The following RPS6KA3 variants were observed in gnomAD, a reference collection of about 807,000 sequenced individuals.
RPS6KA3 encodes ribosomal protein S6 kinase alpha-3.
Under a neutral mutation model 67.2 loss-of-function variants are expected in RPS6KA3, and 4 were observed. That is an observed-to-expected ratio of 0.06 (90% CI 0.03 to 0.14). RPS6KA3 has a LOEUF of 0.14. Among genes scored for constraint, RPS6KA3 ranks in the 10% least tolerant of loss-of-function variants. The probability of loss-of-function intolerance (pLI) is 1.00; values close to 1 mark genes in which losing one functional copy is unlikely to be tolerated. For synonymous variants in RPS6KA3, 182 were observed against 183.7 expected, an observed-to-expected ratio of 0.99 and a Z score of 0.07; for missense variants, 204 against 559.0, an observed-to-expected ratio of 0.36 and a Z score of 6.40.
At chrX:20,252,590 G>A (rs1290613557) in intron 1 of RPS6KA3, among the ~76,000 whole-genome samples, 1 of 110,443 alleles carries the variant, frequency 9.1e-6, no homozygotes, top group Admixed American at 9.6e-5. Context: ...TGAAAGTAGG[G>A]CACCAACCTG....
intron 1 of RPS6KA3, among the ~76,000 whole-genome samples, chrX:20,253,697 C>A (rs966747512): frequency 1.8e-5 from 2 of 111,568 alleles, no homozygotes; most frequent in African/African-American, 6.5e-5. Context: ...TGAAAATGTA[C>A]TACAGAAAAC....
chrX:20,234,886 CAA>C (rs758120780), intron 1 of RPS6KA3, 72 bp from the exon 2 acceptor site: 3,163 of 573,413 alleles, frequency 5.5e-3, no homozygotes, highest in Admixed American at 6.3e-3. Context: ...TGAAGGCAGA[CAA>C]AAAAAAAAAA....
Position 20,266,604 on chromosome X carries a change from C to T in RPS6KA3, c.29G>A (p.Trp10Ter). ...CGGGCTCTCCACAGCCATCTTCTGC[C>T]ACGGGTCCGCCAGCTGCGCCAGCGG... Reference protein sequence around the residue: MPLAQLADPWQKMAVESPSD... With the variant: MPLAQLADP Residue 10 changes from tryptophan (W) to a stop codon, truncating the protein, a stop_gained, in exon 1 of 22, where the codon TGG becomes TAG. Coordinates refer to ENST00000379565, the MANE Select transcript of RPS6KA3 (RefSeq NM_004586.3). LOFTEE classifies it high-confidence loss of function. 2 of 1,151,668 alleles carry T rather than the reference C, an allele frequency of 1.7e-6. No individual in the cohort carries two copies. Among genetic ancestry groups the T allele is most frequent in the Non-Finnish European group, 2.3e-6 (2 of 868,595 alleles). The allele number at this position is 1,151,668 out of a possible 1,213,427, so 94.9% of individuals were successfully genotyped here.
At chrX:20,244,436 A>G (rs2069631546) in intron 1 of RPS6KA3, among the ~76,000 whole-genome samples, 2 of 112,666 alleles carry the variant, frequency 1.8e-5, no homozygotes, top group Admixed American at 9.4e-5. Context: ...GGGTCAAGGA[A>G]ATAAGTAACA....
rs141828652 is a variant in RPS6KA3, at chrX:20,243,313, T to C, written c.70-8499A>G. 3.7e-3 allele frequency among the ~76,000 whole-genome samples: 417 copies of C among 111,812 alleles called. 2 individuals are homozygous for C. The highest frequency in any genetic ancestry group is 5.7e-3 in the Non-Finnish European group (305 of 53,111). On this transcript the variant is annotated intron_variant, in intron 1 of 21. Transcript: ENST00000379565. The stretch of plus-strand genomic sequence containing the variant: ...TACAAATGAGGAAATTAAGCCAAGA[T>C]AGGTATGTCAAACTTTCTAAGCACT...
At chrX:20,258,313 T>C (rs748304041) in intron 1 of RPS6KA3, among the ~76,000 whole-genome samples, 6 of 112,222 alleles carry the variant, frequency 5.3e-5, no homozygotes, top group Admixed American at 9.4e-5. Flanking sequence ...AGTAAATCTT[T>C]ATTATTTTAC....
chrX:20,203,884 A>C, intron 4 of RPS6KA3, 138 bp downstream of exon 4: 3 of 534,581 alleles, frequency 5.6e-6, no homozygotes, highest in Non-Finnish European at 1.0e-5. Context: ...AAATTCACTA[A>C]AAGTCAGCCT....
chrX:20,165,175 A>G, intron 17 of RPS6KA3, 115 bp from the exon 18 acceptor site: 5 of 560,772 alleles, frequency 8.9e-6, no homozygotes, highest in Non-Finnish European at 1.5e-5. Flanking sequence ...GCTGACCTTT[A>G]AATTAGCCTA....
chrX:20,264,985 T>G (rs1489704013), intron 1 of RPS6KA3, among the ~76,000 whole-genome samples: 3 of 112,601 alleles, frequency 2.7e-5, no homozygotes, highest in Non-Finnish European at 5.6e-5. Flanking sequence ...TTTGGCTTTT[T>G]AATAAAATAT....
In RPS6KA3 at chrX:20,190,977, C is replaced by T. The variant is rs200409679; in HGVS notation, c.594-2443G>A. 3.0e-4 allele frequency among the ~76,000 whole-genome samples: 33 copies of T among 109,806 alleles called. 1 individual carries two copies. In the East Asian group the frequency reaches 7.2e-3, roughly 24 times the overall value. On this transcript the variant is annotated intron_variant, in intron 7 of 21. Coordinates refer to ENST00000379565, the MANE Select transcript of RPS6KA3 (RefSeq NM_004586.3). ...TGGTGGTTTGCTGCGCCCATTAACC[C>T]GTCATTTACATTAGGCATTTCTCCT... is the stretch of plus-strand genomic sequence containing the variant.
chrX:20,195,684 A>G (rs979196465), intron 4 of RPS6KA3, among the ~76,000 whole-genome samples: 3 of 112,338 alleles, frequency 2.7e-5, no homozygotes, highest in Non-Finnish European at 5.6e-5. Context: ...TAGCTGAAAG[A>G]GCAAATGTTT....
rs1219238329 is a variant in RPS6KA3 at position 20,150,662 on chromosome X, A to G, written c.*4736T>C. 1 of 112,723 alleles carries G rather than the reference A, an allele frequency of 8.9e-6. No individual in the cohort carries two copies. The highest frequency in any genetic ancestry group is 3.2e-5 in the African/African-American group (1 of 30,990). The allele number at this position is 112,723 out of a possible 1,213,427, so 9.3% of individuals were successfully genotyped here. On this transcript the variant is annotated 3_prime_UTR_variant, in exon 22 of 22. Transcript: ENST00000379565. ...ATACAGTTCATTCAGTACTATGGTG[A>G]TAACAGGAGTAAAGATGTTCACTTC...
chrX:20,199,332 G>A (rs1366079953), intron 4 of RPS6KA3, among the ~76,000 whole-genome samples: 1 of 111,790 alleles, frequency 8.9e-6, no homozygotes, highest in Non-Finnish European at 1.9e-5. Flanking sequence ...GGTACAGGGG[G>A]TTCACTATAT....
chrX:20,164,181 T>C (rs186116978), intron 18 of RPS6KA3, among the ~76,000 whole-genome samples: 14 of 109,880 alleles, frequency 1.3e-4, no homozygotes, highest in Admixed American at 3.9e-4. Context: ...CCAAATTATG[T>C]CTTAAATGTT....
In RPS6KA3 at chrX:20,177,023, A is replaced by G; in HGVS notation, c.907T>C (p.Phe303Leu). 1 of 1,208,508 alleles carries G rather than the reference A, an allele frequency of 8.3e-7. No individual in the cohort carries two copies. The highest frequency in any genetic ancestry group is 1.1e-6 in the Non-Finnish European group (1 of 892,150). Residue 303 changes from phenylalanine to leucine, a missense_variant, in exon 11 of 22, where the codon TTC becomes CTC. Around this residue, in one of 4 missense-constraint regions of RPS6KA3, gnomAD observed 76 missense variants for 250.3 expected, o/e 0.30. Coordinates refer to ENST00000379565, the MANE Select transcript of RPS6KA3 (RefSeq NM_004586.3). ...PEAQSLLRMLFKRNPANRLGA... is the reference protein window; with the variant it reads ...PEAQSLLRMLLKRNPANRLGA... ...AATCTGTTTGCAGGATTTCGCTTGAAAAGCATTCGTAAAAGACTCTGCGCT... is the reference window on the plus strand; with the variant it reads ...AATCTGTTTGCAGGATTTCGCTTGAGAAGCATTCGTAAAAGACTCTGCGCT...
chrX:20,188,436 T>G (rs982776374), intron 8 of RPS6KA3, 61 bp downstream of exon 8: 12 of 646,301 alleles, frequency 1.9e-5, no homozygotes, highest in African/African-American at 1.8e-4. Flanking sequence ...ACAATCAACC[T>G]TAAAGGAAAG....
intron 2 of RPS6KA3, among the ~76,000 whole-genome samples, chrX:20,217,389 T>C (rs1329986664): frequency 8.9e-6 from 1 of 112,948 alleles, no homozygotes; most frequent in African/African-American, 3.2e-5. Context: ...TATTGTAACA[T>C]GCTAACTAAG....
intron 1 of RPS6KA3, among the ~76,000 whole-genome samples, chrX:20,251,331 G>T (rs1391446599): frequency 8.9e-6 from 1 of 112,346 alleles, no homozygotes; most frequent in East Asian, 2.8e-4. Context: ...TTGTAGAAAT[G>T]GGGTCTTGCC....
chrX:20,192,946 C>T (rs1442631036), intron 7 of RPS6KA3, among the ~76,000 whole-genome samples: 1 of 111,543 alleles, frequency 9.0e-6, no homozygotes, highest in African/African-American at 3.3e-5. Flanking sequence ...CACAAAAATA[C>T]AAATTGCCAA....
Sources: gnomAD v4.1 joint callset for allele counts (sites outside exome capture counted in the v4.1 genomes callset) on GRCh38, gnomAD v4.1.1 for gene constraint, gnomAD v4.1.1 regional missense constraint, MANE v1.5 for transcripts, NCBI Gene and HGNC (gene_info 2026-07-23, HGNC 2026-07-21) for gene names.